ZDHHC11B: variants seen among roughly 807,000 people sequenced by gnomAD.
The protein encoded by ZDHHC11B is probable palmitoyltransferase ZDHHC11B.
A neutral mutation model predicts 42.3 loss-of-function variants in ZDHHC11B; 17 were observed. The ratio of observed to expected loss-of-function variants is 0.40; its 90% CI spans 0.27 to 0.60. The LOEUF (loss-of-function observed/expected upper bound fraction) is 0.60. Among genes scored for constraint, ZDHHC11B ranks in the 20% least tolerant of loss-of-function variants. The pLI is 0.41. For missense variants in ZDHHC11B, 262 were observed against 463.2 expected (o/e 0.57, Z 3.99); for synonymous variants, 123 against 193.5 (o/e 0.64, Z 3.02).
At chr5:748,127 C>T (rs1579330312) in intron 8 of ZDHHC11B, 1 of 545,714 alleles carries the variant, frequency 1.8e-6, no homozygotes, top group Non-Finnish European at 3.2e-6. Context: ...CTTCAAGCAC[C>T]CGGCAGCGCT....
chr5:712,369 T>A (rs1045066231), intron 13 of ZDHHC11B, 87 bp from the exon 14 acceptor site: 1 of 146,912 alleles, frequency 6.8e-6, no homozygotes, highest in Admixed American at 6.9e-5. Context: ...CGGTGGCTTT[T>A]ACCCCAACCT....
intron 1 of ZDHHC11B, among the ~76,000 whole-genome samples, chr5:780,414 G>A (rs1304133993): frequency 6.6e-5 from 10 of 151,270 alleles, no homozygotes; most frequent in Middle Eastern, 3.4e-3. Flanking sequence ...CGCTGAGCAC[G>A]AGCACCTGGG....
Position 756,132 on chromosome 5 carries a change from T to G in ZDHHC11B, c.235A>C (p.Ile79Leu), listed in dbSNP as rs1244796813. 1.4e-6 allele frequency: 2 copies of G among 1,412,172 alleles called. No homozygotes were observed. The highest frequency in any genetic ancestry group is 2.9e-5 in the African/African-American group (2 of 68,220). 87.5% of individuals were successfully genotyped at this position (1,412,172 alleles called of 1,614,324 possible). ...TGGACGACGAGGTGGAACGAGAAGATCCCCCCGGTCACCTGGCATGTCAAG... is the reference window on the plus strand; with the variant it reads ...TGGACGACGAGGTGGAACGAGAAGAGCCCCCCGGTCACCTGGCATGTCAAG... ...KYIAYVVTGG[I>L]FSFHLVVHLI... The change falls in exon 5 of 14, where the codon ATC (isoleucine) becomes CTC (leucine). Residue 79 changes from isoleucine (I) to leucine (L), a missense_variant. Transcript: ENST00000508859.
chr5:712,766 A>G (rs2652411), intron 13 of ZDHHC11B, among the ~76,000 whole-genome samples: 77,585 of 149,066 alleles, frequency 0.52, 18,084 homozygotes, highest in African/African-American at 0.58. Context: ...AAAATTAGCC[A>G]GGTGTGGTGG....
chr5:777,695 T>G (rs12516738), intron 1 of ZDHHC11B, among the ~76,000 whole-genome samples: 2 of 151,782 alleles, frequency 1.3e-5, no homozygotes, highest in African/African-American at 4.8e-5. Flanking sequence ...GATTGGTGCA[T>G]TGACAAGCCT....
chr5:711,156 C>A lies in ZDHHC11B; in HGVS notation c.*1134G>T, dbSNP rs190236771. ...TACTATGGGCTCCCCTTTCCCAGTACTGTGCTCCGCTTTCCCAGTACTATG... is the reference window on the plus strand; with the variant it reads ...TACTATGGGCTCCCCTTTCCCAGTAATGTGCTCCGCTTTCCCAGTACTATG... On this transcript the variant is annotated 3_prime_UTR_variant, in exon 14 of 14. Transcript: ENST00000508859. The A allele has an allele frequency of 5.3e-3, 818 of 153,368 alleles. 5 individuals carry two copies. Among genetic ancestry groups the A allele is most frequent in the South Asian group, 0.012 (55 of 4,746 alleles). 9.5% of individuals were successfully genotyped at this position (153,368 alleles called of 1,614,324 possible). A position where few individuals can be genotyped will look rare whatever the true frequency, so the allele number is the denominator to read the frequency against.
At chr5:762,239 C>T (rs1386306897) in intron 4 of ZDHHC11B, among the ~76,000 whole-genome samples, 1 of 100,152 alleles carries the variant, frequency 1.0e-5, no homozygotes, top group Non-Finnish European at 2.1e-5. Flanking sequence ...CAGATGGCCA[C>T]TCCCAGCCCT....
intron 1 of ZDHHC11B, among the ~76,000 whole-genome samples, chr5:779,128 T>C (rs1277857745): frequency 6.6e-6 from 1 of 151,388 alleles, no homozygotes; most frequent in African/African-American, 2.4e-5. Context: ...ACACACAGAC[T>C]AACACAGTCG....
At chr5:774,479 T>G (rs1189254362) in intron 1 of ZDHHC11B, among the ~76,000 whole-genome samples, 1 of 152,204 alleles carries the variant, frequency 6.6e-6, no homozygotes, top group Admixed American at 6.5e-5. Flanking sequence ...GGCCGGGACC[T>G]GTCCCTTGGG....
At chr5:778,105 G>C (rs1446906948) in intron 1 of ZDHHC11B, among the ~76,000 whole-genome samples, 2 of 151,922 alleles carry the variant, frequency 1.3e-5, no homozygotes, top group African/African-American at 4.8e-5. Flanking sequence ...AGGACGCTGC[G>C]GCGGAGACTG....
At chr5:719,527 T>A (rs1742024825) in intron 12 of ZDHHC11B, among the ~76,000 whole-genome samples, 1 of 150,558 alleles carries the variant, frequency 6.6e-6, no homozygotes, top group South Asian at 2.1e-4. Flanking sequence ...AGTACATAAC[T>A]GAAATAAAAA....
In ZDHHC11B at chr5:767,099, C is replaced by T. The variant is rs1245967603; in HGVS notation, c.1-180G>A. 3.1e-5 allele frequency: 27 copies of T among 870,280 alleles called. 1 individual carries two copies. The highest frequency in any genetic ancestry group is 1.1e-4 in the African/African-American group (7 of 62,512). 53.9% of individuals were successfully genotyped at this position (870,280 alleles called of 1,614,324 possible). A position where few individuals can be genotyped will look rare whatever the true frequency, so the allele number is the denominator to read the frequency against. On this transcript the variant is annotated intron_variant, in intron 3 of 13. Transcript: ENST00000508859. ...GAGGGAGCAGGGGTTGGGCTGGAGTCGGTGCAGGGCCCTGTCCAGGGGAAT... is the reference window on the plus strand; with the variant it reads ...GAGGGAGCAGGGGTTGGGCTGGAGTTGGTGCAGGGCCCTGTCCAGGGGAAT...
At chr5:745,134 T>A (rs1427338602) in intron 9 of ZDHHC11B, 49 bp downstream of exon 9, 1 of 1,229,618 alleles carries the variant, frequency 8.1e-7, no homozygotes, top group African/African-American at 1.4e-5. Flanking sequence ...CGAGTGACCT[T>A]AGACATTGTC....
At chr5:720,368 A>G (rs1213602224) in intron 12 of ZDHHC11B, among the ~76,000 whole-genome samples, 1 of 151,836 alleles carries the variant, frequency 6.6e-6, no homozygotes, top group Non-Finnish European at 1.5e-5. Context: ...GTGGGGTGAC[A>G]TATTTAAATG....
intron 1 of ZDHHC11B, among the ~76,000 whole-genome samples, chr5:783,633 C>T (rs1340247118): frequency 6.6e-6 from 1 of 150,404 alleles, no homozygotes; most frequent in African/African-American, 2.5e-5. Context: ...CCCCCCAACC[C>T]CCATCAAAAC....
rs1247644755 is a variant in ZDHHC11B, at chr5:784,669, T to C, written c.-231A>G. On this transcript the variant is annotated splice_region_variant and 5_prime_UTR_variant, in exon 1 of 14. Coordinates refer to ENST00000508859, the MANE Select transcript of ZDHHC11B (RefSeq NM_001351303.2). ...GGACCGAGCCCCGCGCCCGCTTACC[T>C]TGGAGACGCAGCAACTGCAGCGGAG... 1.4e-5 allele frequency among the ~76,000 whole-genome samples: 2 copies of C among 147,604 alleles called. No individual in the cohort carries two copies. The highest frequency in any genetic ancestry group is 2.1e-4 in the South Asian group (1 of 4,690).
At chr5:773,318 C>A (rs1736207095) in intron 1 of ZDHHC11B, among the ~76,000 whole-genome samples, 1 of 151,810 alleles carries the variant, frequency 6.6e-6, no homozygotes, top group Non-Finnish European at 1.5e-5. Context: ...TGGGTGCAGA[C>A]CCTCACACCA....
chr5:724,631 TCC>T (rs1742433093), intron 12 of ZDHHC11B, among the ~76,000 whole-genome samples: 1 of 136,978 alleles, frequency 7.3e-6, no homozygotes, highest in Admixed American at 7.7e-5. Flanking sequence ...TTTCTCGGCC[TCC>T]CCACATGCTC....
At position 746,780 on chromosome 5, in the gene ZDHHC11B, GC is replaced by G. The variant is rs1166770517; in HGVS notation, c.785-1483del. Among the ~76,000 whole-genome samples, 55 of 149,580 alleles carry G rather than the reference GC, an allele frequency of 3.7e-4. 1 individual carries two copies. The highest frequency in any genetic ancestry group is 1.3e-3 in the African/African-American group (54 of 41,052). On this transcript the variant is annotated intron_variant, in intron 8 of 13. Transcript: ENST00000508859. ...CCCCCACGTGCTCAGCACACAGTGG[GC>G]ATTGACTATTTTAACCCAGGGAAAC...
Sources: gnomAD v4.1 joint callset for allele counts (sites outside exome capture counted in the v4.1 genomes callset) on GRCh38, gnomAD v4.1.1 for gene constraint, MANE v1.5 for transcripts, NCBI Gene and HGNC (gene_info 2026-07-23, HGNC 2026-07-21) for gene names.